PSG5: variants seen among roughly 807,000 people sequenced by gnomAD.
The protein encoded by PSG5 is pregnancy-specific beta-1-glycoprotein 5.
In PSG5, 53 loss-of-function variants were observed where a neutral mutation model predicts 37.7. That is an observed-to-expected ratio of 1.41 (90% CI 1.13 to 1.77). The LOEUF (loss-of-function observed/expected upper bound fraction) is 1.77, where lower values mean the gene tolerates loss of function less well. Ranked by LOEUF, PSG5 falls within the 40% of genes most tolerant of loss-of-function variation. The pLI is 0.00. For synonymous variants in PSG5, 221 were observed against 155.4 expected, an observed-to-expected ratio of 1.42 and a Z score of -3.14; for missense variants, 547 against 405.2, an observed-to-expected ratio of 1.35 and a Z score of -3.00.
chr19:43,179,558 T>C (rs1313001424), intron 2 of PSG5, among the ~76,000 whole-genome samples: 6 of 151,736 alleles, frequency 4.0e-5, no homozygotes, highest in Non-Finnish European at 2.9e-5. Flanking sequence ...AGGTATGTTT[T>C]CTCTGCAGCT....
chr19:43,185,194 G>A lies in PSG5; in HGVS notation c.65-47C>T, dbSNP rs764082711. 4 of 1,541,632 alleles carry A rather than the reference G, an allele frequency of 2.6e-6. No individual in the cohort carries two copies. The African/African-American group carries it at 5.5e-5, about 21-fold the overall frequency. On this transcript the variant is annotated intron_variant, in intron 1 of 5. Transcript: ENST00000342951. ...AGTCAATATTGAGACCTGTGTATTG[G>A]GGTGAAAAGATGGAGCCCTGGGTCC... is the stretch of plus-strand genomic sequence containing the variant.
At chr19:43,172,629 A>C (rs1335420175) in intron 4 of PSG5, among the ~76,000 whole-genome samples, 2 of 151,738 alleles carry the variant, frequency 1.3e-5, no homozygotes, top group African/African-American at 2.4e-5. Flanking sequence ...ATTTCAATTT[A>C]TATTAACATC....
rs572188576 is a variant in PSG5, at chr19:43,183,143, G to A, written c.430+1639C>T. 403 of 254,066 alleles carry A rather than the reference G, an allele frequency of 1.6e-3. 8 individuals carry two copies. In the South Asian group the frequency reaches 0.016, roughly 10 times the overall value. The allele number at this position is 254,066 out of a possible 1,614,324, so 15.7% of individuals were successfully genotyped here. ...CACCATGGCAGTGAGCAGTGAGGGA[G>A]ACACTGACTTCAGAGACCCCAGGGA... On this transcript the variant is annotated intron_variant, in intron 2 of 5. Coordinates refer to ENST00000342951, the MANE Select transcript of PSG5 (RefSeq NM_002781.4).
chr19:43,176,609 T>A (rs1189215742), intron 2 of PSG5, among the ~76,000 whole-genome samples: 2 of 151,358 alleles, frequency 1.3e-5, no homozygotes, highest in Non-Finnish European at 2.9e-5. Flanking sequence ...GGACTTCCCA[T>A]TGTCCTGAAA....
At chr19:43,185,960 T>C (rs1966929119) in intron 1 of PSG5, among the ~76,000 whole-genome samples, 1 of 150,916 alleles carries the variant, frequency 6.6e-6, no homozygotes, top group Non-Finnish European at 1.5e-5. Flanking sequence ...TCTTTCCTTT[T>C]TTTTCTTTTT....
chr19:43,179,692 A>C (rs1158758125), intron 2 of PSG5, among the ~76,000 whole-genome samples: 1 of 151,726 alleles, frequency 6.6e-6, no homozygotes, highest in African/African-American at 2.4e-5. Context: ...GGGAGACCAG[A>C]GTCAAGCCTG....
chr19:43,183,356 C>G, intron 2 of PSG5: 1 of 508,050 alleles, frequency 2.0e-6, no homozygotes, highest in Non-Finnish European at 3.9e-6. Flanking sequence ...ATTCTGCATC[C>G]AACATCCAGT....
intron 5 of PSG5, among the ~76,000 whole-genome samples, chr19:43,169,698 C>T (rs781687377): frequency 2.6e-5 from 4 of 151,556 alleles, no homozygotes; most frequent in Non-Finnish European, 4.4e-5. Flanking sequence ...AGTCTGGCCA[C>T]AAGAAGTCAA....
chr19:43,174,979 A>G (rs1968974543), intron 4 of PSG5: 1 of 1,385,564 alleles, frequency 7.2e-7, no homozygotes. Context: ...CTCAGGGCTG[A>G]TAAAGCCCCC....
intron 2 of PSG5, chr19:43,180,339 A>G (rs950908341): frequency 4.6e-5 from 7 of 151,620 alleles, no homozygotes; most frequent in African/African-American, 1.7e-4. Context: ...CTTAAAACAA[A>G]GTGTTTTGGA....
Position 43,186,028 on chromosome 19 carries a change from G to A in PSG5, c.64+314C>T, listed in dbSNP as rs927562706. 4.2e-4 allele frequency among the ~76,000 whole-genome samples: 63 copies of A among 150,554 alleles called. 1 individual carries two copies. The highest frequency in any genetic ancestry group is 8.1e-4 in the African/African-American group (33 of 40,722). On this transcript the variant is annotated intron_variant, in intron 1 of 5. Coordinates refer to ENST00000342951, the MANE Select transcript of PSG5 (RefSeq NM_002781.4). ...GTCTCGTACTGTCACCCAGGCTGGC[G>A]TGCAGTGGTGCTATCTCGGCTCGCT...
In PSG5 at chr19:43,168,088, A is replaced by G. The variant is rs535496730; in HGVS notation, c.*156T>C. On this transcript the variant is annotated 3_prime_UTR_variant, in exon 6 of 6. Transcript: ENST00000342951. ...CCAGTGGTATGATCTTGAAGTTATC[A>G]GGAACTTGTATTCAAGAGTCCTTGT... is the stretch of plus-strand genomic sequence containing the variant. 2 of 445,630 alleles carry G rather than the reference A, an allele frequency of 4.5e-6. No individual in the cohort carries two copies. The highest frequency in any genetic ancestry group is 8.0e-6 in the Non-Finnish European group (2 of 248,718). 27.6% of individuals were successfully genotyped at this position (445,630 alleles called of 1,614,324 possible).
In PSG5 at chr19:43,175,434, T is replaced by C; in HGVS notation, c.745A>G (p.Thr249Ala). Residue 249 changes from threonine (T) to alanine (A), a missense_variant, in exon 4 of 6, where the codon ACC (threonine) becomes GCC (alanine). Physicochemically the swap from Thr to Ala is moderately conservative, Grantham distance 58. Coordinates refer to ENST00000342951, the MANE Select transcript of PSG5 (RefSeq NM_002781.4). ...PDLPSIYPSF[T>A]YYRSGENLYL... ...AGGTTTTCTCCTGAACGGTAATAGGTGAATGAAGGGTAAATGCTGGGGAGG... is the reference window on the plus strand; with the variant it reads ...AGGTTTTCTCCTGAACGGTAATAGGCGAATGAAGGGTAAATGCTGGGGAGG... 2.5e-6 allele frequency: 4 copies of C among 1,612,066 alleles called. No homozygotes were observed. Among genetic ancestry groups the C allele is most frequent in the Non-Finnish European group, 3.4e-6 (4 of 1,178,926 alleles).
chr19:43,175,078 G>A lies in PSG5; in HGVS notation c.964+137C>T, dbSNP rs979541509. ...GAGTTTGTAGAGACAAATTGGAAGG[G>A]TTCAGGAGGAGAATTTGGGATTTGC... On this transcript the variant is annotated intron_variant, in intron 4 of 5. Coordinates refer to ENST00000342951, the MANE Select transcript of PSG5 (RefSeq NM_002781.4). 40 of 1,584,558 alleles carry A rather than the reference G, an allele frequency of 2.5e-5. No individual in the cohort carries two copies. In the South Asian group the frequency reaches 4.4e-4, roughly 18 times the overall value.
intron 4 of PSG5, chr19:43,174,462 C>G (rs1311704759): frequency 1.3e-6 from 1 of 775,400 alleles, no homozygotes; most frequent in East Asian, 1.3e-4. Flanking sequence ...TTCTCCAGCT[C>G]TGCATCAGTC....
Position 43,184,839 on chromosome 19 carries a change from T to G in PSG5, c.373A>C (p.Ile125Leu). The G allele has an allele frequency of 6.2e-7, 1 of 1,612,466 alleles. No individual in the cohort carries two copies. The highest frequency in any genetic ancestry group is 8.5e-7 in the Non-Finnish European group (1 of 1,179,094). Reference protein sequence around the residue: ...EDAGSYTLHIIKRGDRTRGVT... With the variant: ...EDAGSYTLHILKRGDRTRGVT... ...CCTCTAGTCCTATCACCTCGCTTTA[T>G]GATGTGTAAGGTGTAGGATCCTGCG... Residue 125 changes from isoleucine to leucine, a missense_variant, in exon 2 of 6, where the codon ATA becomes CTA. Coordinates refer to ENST00000342951, the MANE Select transcript of PSG5 (RefSeq NM_002781.4).
rs555220327 is a variant in PSG5, at chr19:43,179,297, G to C, written c.431-3149C>G. The C allele has an allele frequency of 4.4e-4, 551 of 1,238,802 alleles. 8 individuals are homozygous for C. In the African/African-American group the frequency reaches 6.0e-3, roughly 13 times the overall value. 76.7% of individuals were successfully genotyped at this position (1,238,802 alleles called of 1,614,324 possible). A position where few individuals can be genotyped will look rare whatever the true frequency, so the allele number is the denominator to read the frequency against. ...CCCATGGCAGGTGTGTGTGTTACAAGACAGATGCATGGCAATCTGAGAGCT... is the reference window on the plus strand; with the variant it reads ...CCCATGGCAGGTGTGTGTGTTACAACACAGATGCATGGCAATCTGAGAGCT... On this transcript the variant is annotated intron_variant, in intron 2 of 5. Transcript: ENST00000342951.
chr19:43,175,496 G>A lies in PSG5; in HGVS notation c.710-27C>T, dbSNP rs377332768. 65 of 1,583,796 alleles carry A rather than the reference G, an allele frequency of 4.1e-5. 3 individuals are homozygous for A. Among genetic ancestry groups the A allele is most frequent in the South Asian group, 2.2e-4 (19 of 85,158 alleles). ...TGGAGCAAAGAGAATGAAGCCACAG[G>A]TGATGTCATCCAAGGGAAGGGGATG... On this transcript the variant is annotated intron_variant, in intron 3 of 5. Coordinates refer to ENST00000342951, the MANE Select transcript of PSG5 (RefSeq NM_002781.4).
chr19:43,177,569 T>A (rs1599749664), intron 2 of PSG5, among the ~76,000 whole-genome samples: 1 of 151,266 alleles, frequency 6.6e-6, no homozygotes, highest in South Asian at 2.1e-4. Context: ...AATTCCACAC[T>A]GGCCATTCTG....
Sources: allele counts gnomAD v4.1 joint callset (sites outside exome capture counted in the v4.1 genomes callset), GRCh38; gene constraint gnomAD v4.1.1; transcripts MANE v1.5; gene names NCBI Gene and HGNC (gene_info 2026-07-23, HGNC 2026-07-21).